The following SZRD1 variants were observed in gnomAD, a reference collection of about 807,000 sequenced individuals.
SZRD1 encodes SUZ RNA-binding domain-containing.
A neutral mutation model predicts 17.6 loss-of-function variants in SZRD1; 7 were observed. That is an observed-to-expected ratio of 0.40 (90% CI 0.23 to 0.75). SZRD1 has a LOEUF of 0.75. Ranked by LOEUF, SZRD1 falls within the 30% of genes least tolerant of loss-of-function variation. The pLI is 0.38. For missense variants in SZRD1, 178 were observed against 201.8 expected (o/e 0.88, Z 0.71); for synonymous variants, 77 against 77.9 (o/e 0.99, Z 0.06).
chr1:16,393,718 C>T lies in SZRD1; in HGVS notation c.356+236C>T, dbSNP rs117420963. ...GCAGTTTGCTGGCATGCTCCCTCTG[C>T]GGTTGGTAGTCACCGGGGGCACTGT... is the stretch of plus-strand genomic sequence containing the variant. On this transcript the variant is annotated intron_variant, in intron 3 of 3. Transcript: ENST00000401088. The surrounding 1 kb of genome is among the most constrained non-coding windows in gnomAD (Gnocchi z 5.6). 3.3e-5 allele frequency among the ~76,000 whole-genome samples: 5 copies of T among 152,160 alleles called. No individual in the cohort carries two copies. The highest frequency in any genetic ancestry group is 1.2e-4 in the African/African-American group (5 of 41,436).
rs933833097 is a variant in SZRD1 at position 16,391,864 on chromosome 1, A to C, written c.101+440A>C. On this transcript the variant is annotated intron_variant, in intron 2 of 3. Coordinates refer to ENST00000401088, the MANE Select transcript of SZRD1 (RefSeq NM_001114600.3). The surrounding 1 kb of genome is among the most constrained non-coding windows in gnomAD (Gnocchi z 4.3). ...TATTATGAGGGTATCCTGGAAGAAA[A>C]CATTCTAGGAAATTCTTGAAAAAAC... Among the ~76,000 whole-genome samples, 28 of 151,946 alleles carry C rather than the reference A, an allele frequency of 1.8e-4. 1 individual carries two copies. Among genetic ancestry groups the C allele is most frequent in the Admixed American group, 1.5e-3 (23 of 15,246 alleles).
chr1:16,367,913 G>C (rs551326742), intron 1 of SZRD1: 1 of 152,546 alleles, frequency 6.6e-6, no homozygotes, highest in South Asian at 2.0e-4. Context: ...AGGTCTCACG[G>C]GGACTCTGCC....
chr1:16,379,991 A>G (rs2083071646), intron 1 of SZRD1, among the ~76,000 whole-genome samples: 1 of 152,094 alleles, frequency 6.6e-6, no homozygotes, highest in South Asian at 2.1e-4. Context: ...TTGTTCTTTA[A>G]TTCGTGTGTT....
At chr1:16,382,914 A>G (rs1465162535) in intron 1 of SZRD1, among the ~76,000 whole-genome samples, 3 of 147,466 alleles carry the variant, frequency 2.0e-5, no homozygotes, top group Non-Finnish European at 3.0e-5. Flanking sequence ...CCCCCCTGCT[A>G]GAGTACAATG....
intron 1 of SZRD1, among the ~76,000 whole-genome samples, chr1:16,385,569 T>TA (rs2083174722): frequency 6.6e-6 from 1 of 152,156 alleles, no homozygotes; most frequent in African/African-American, 2.4e-5. Flanking sequence ...CTCTTAACGT[T>TA]ACAGGAGTAA....
chr1:16,391,630 C>T lies in SZRD1; in HGVS notation c.101+206C>T, dbSNP rs2085223469. Among the ~76,000 whole-genome samples, 1 of 152,102 alleles carries T rather than the reference C, an allele frequency of 6.6e-6. No individual in the cohort carries two copies. On this transcript the variant is annotated intron_variant, in intron 2 of 3. Coordinates refer to ENST00000401088, the MANE Select transcript of SZRD1 (RefSeq NM_001114600.3). This position sits in a 1 kb window ranked among gnomAD's most constrained non-coding sequence, Gnocchi z 4.3. ...GCTGGGGTGTTGCACCTGCCTCTGA[C>T]CTTCGTGGGCTCCCTGTGTGAGGTC... is the stretch of plus-strand genomic sequence containing the variant.
chr1:16,381,563 A>AG (rs1485345425), intron 1 of SZRD1, among the ~76,000 whole-genome samples: 3 of 150,942 alleles, frequency 2.0e-5, no homozygotes, highest in African/African-American at 7.3e-5. Context: ...TCAAAAAAAA[A>AG]AAAAAAAAGA....
intron 1 of SZRD1, chr1:16,387,725 T>A (rs563847833): frequency 4.4e-6 from 2 of 456,496 alleles, no homozygotes; most frequent in Non-Finnish European, 8.8e-6. Flanking sequence ...AGTCTTGTAT[T>A]TAGAGTGGAG....
intron 1 of SZRD1, chr1:16,367,859 T>TC (rs2100681097): frequency 1.3e-5 from 2 of 152,792 alleles, no homozygotes; most frequent in African/African-American, 4.8e-5. Flanking sequence ...GGGTTTTTTT[T>TC]CTCTTTCACT....
intron 2 of SZRD1, among the ~76,000 whole-genome samples, chr1:16,392,684 C>G (rs1379407716): frequency 6.6e-6 from 1 of 152,178 alleles, no homozygotes; most frequent in African/African-American, 2.4e-5. Context: ...GTCACTCTCA[C>G]TAGAAGGTGG....
chr1:16,385,520 C>T (rs1031025701), intron 1 of SZRD1, among the ~76,000 whole-genome samples: 2 of 152,166 alleles, frequency 1.3e-5, no homozygotes, highest in Non-Finnish European at 2.9e-5. Flanking sequence ...TCTTCCTCTC[C>T]TCTGCCTTTC....
intron 1 of SZRD1, among the ~76,000 whole-genome samples, chr1:16,388,524 C>T (rs2085165054): frequency 2.6e-5 from 4 of 151,712 alleles, no homozygotes; most frequent in Middle Eastern, 3.2e-3. Context: ...ACAAGAGATG[C>T]AAATAAGGAC....
intron 1 of SZRD1, among the ~76,000 whole-genome samples, chr1:16,382,494 T>G (rs1277385236): frequency 8.0e-5 from 10 of 124,564 alleles, no homozygotes; most frequent in African/African-American, 2.5e-4. Flanking sequence ...GGCCACATGG[T>G]TTTTTTTTTT....
In SZRD1 at chr1:16,395,277, G is replaced by A; in HGVS notation, c.*137G>A. On this transcript the variant is annotated 3_prime_UTR_variant, in exon 4 of 4. Coordinates refer to ENST00000401088, the MANE Select transcript of SZRD1 (RefSeq NM_001114600.3). ...ACTTACTTGCACTGTGATCCCCCTT[G>A]CTCCGCCCACTGTGACCTTGAACCC... is the stretch of plus-strand genomic sequence containing the variant. 1.4e-6 allele frequency: 1 copy of A among 714,014 alleles called. No individual in the cohort carries two copies. 44.2% of individuals were successfully genotyped at this position (714,014 alleles called of 1,614,324 possible).
At chr1:16,373,868 G>A (rs1278279778) in intron 1 of SZRD1, among the ~76,000 whole-genome samples, 1 of 152,164 alleles carries the variant, frequency 6.6e-6, no homozygotes, top group Admixed American at 6.5e-5. Context: ...CTCCCGGAGT[G>A]CTGGGATTGC....
At chr1:16,381,430 G>A (rs1407335959) in intron 1 of SZRD1, among the ~76,000 whole-genome samples, 3 of 151,896 alleles carry the variant, frequency 2.0e-5, no homozygotes, top group African/African-American at 4.8e-5. Context: ...GGTGGCACAC[G>A]CCTGTAATCC....
At chr1:16,369,038 T>G in intron 1 of SZRD1, 3 of 227,308 alleles carry the variant, frequency 1.3e-5, no homozygotes, top group Non-Finnish European at 1.7e-5. Flanking sequence ...CCTAGAGATG[T>G]GAGATTTAGA....
At position 16,393,411 on chromosome 1, in the gene SZRD1, C is replaced by T. The variant is rs374241320; in HGVS notation, c.285C>T (p.Tyr95=). The change falls in exon 3 of 4, where the codon TAC becomes TAT. Residue 95 remains tyrosine (Y), a synonymous_variant. Transcript: ENST00000401088. This position sits in a 1 kb window ranked among gnomAD's most constrained non-coding sequence, Gnocchi z 5.6. ...CCCTAGCACAGCGAGAGGCCGAGTA[C>T]GCCGAGGCCCGGAAGCGGATCCTGG... The part of the protein sequence containing the change: ...VKSLAQREAE[Y]AEARKRILGS... The T allele has an allele frequency of 1.5e-4, 245 of 1,614,136 alleles. 3 individuals are homozygous for T. In the South Asian group the frequency reaches 2.4e-3, roughly 16 times the overall value.
chr1:16,369,071 G>A (rs181857887), intron 1 of SZRD1: 134 of 295,568 alleles, frequency 4.5e-4, no homozygotes, highest in Admixed American at 1.6e-3. Context: ...TCTGACGCTT[G>A]TCGCGTGTTC....
Sources: allele counts gnomAD v4.1 joint callset (sites outside exome capture counted in the v4.1 genomes callset), GRCh38; gene constraint gnomAD v4.1.1; non-coding constraint Gnocchi (gnomAD v3.1); transcripts MANE v1.5; gene names NCBI Gene and HGNC (gene_info 2026-07-23, HGNC 2026-07-21).